Variants in DTNA observed in about 807,000 individuals in gnomAD.
DTNA encodes the protein dystrobrevin alpha.
Under a neutral mutation model 100.7 loss-of-function variants are expected in DTNA, and 43 were observed. The observed-to-expected ratio is 0.43, with a 90% CI of 0.33 to 0.55. The LOEUF (loss-of-function observed/expected upper bound fraction) is 0.55, where lower values mean the gene tolerates loss of function less well. Ranked by LOEUF, DTNA falls within the 20% of genes least tolerant of loss-of-function variation. DTNA has a pLI of 0.04. For missense variants in DTNA, 798 were observed against 953.9 expected (o/e 0.84, Z 2.15); for synonymous variants, 349 against 347.9 (o/e 1.00, Z -0.04).
At chr18:34,727,361 A>G (rs908279305) in intron 1 of DTNA, among the ~76,000 whole-genome samples, 2 of 152,196 alleles carry the variant, frequency 1.3e-5, no homozygotes, top group Non-Finnish European at 2.9e-5. Context: ...ACTTTTAGGA[A>G]TGTCTAAAAT....
Position 34,889,161 on chromosome 18 carries a change from A to G in DTNA, c.*1427A>G. 1.0e-6 allele frequency: 1 copy of G among 985,400 alleles called. No individual in the cohort carries two copies. Among genetic ancestry groups the G allele is most frequent in the Non-Finnish European group, 1.2e-6 (1 of 829,928 alleles). The allele number at this position is 985,400 out of a possible 1,614,324, so 61.0% of individuals were successfully genotyped here. ...TAAAAAAGCCTGCGACCTATTCAAT[A>G]CATTATGCTTAAATTAGCAGTTTCT... On this transcript the variant is annotated 3_prime_UTR_variant, in exon 23 of 23. Transcript: ENST00000444659.
intron 1 of DTNA, among the ~76,000 whole-genome samples, chr18:34,595,262 C>T (rs976551628): frequency 6.6e-6 from 1 of 152,160 alleles, no homozygotes; most frequent in African/African-American, 2.4e-5. Context: ...CACTCAGGTA[C>T]ACACAGTAAC....
chr18:34,522,597 GAT>G (rs1306998154), intron 1 of DTNA, among the ~76,000 whole-genome samples: 2 of 152,150 alleles, frequency 1.3e-5, no homozygotes, highest in African/African-American at 4.8e-5. Flanking sequence ...TATGTTAACT[GAT>G]GCCTGATATA....
chr18:34,769,724 G>GTTTTTTT (rs1264439291), intron 3 of DTNA, among the ~76,000 whole-genome samples: 1 of 41,416 alleles, frequency 2.4e-5, no homozygotes, highest in African/African-American at 5.1e-5. Context: ...GCCCTCTGGG[G>GTTTTTTT]CTTTTTTTTT....
chr18:34,554,299 A>T (rs1242966376), intron 1 of DTNA, among the ~76,000 whole-genome samples: 2 of 141,978 alleles, frequency 1.4e-5, no homozygotes, highest in Admixed American at 6.8e-5. Context: ...TTTTCTAGAT[A>T]TACAATCATG....
At chr18:34,837,166 G>A (rs946312289) in intron 11 of DTNA, among the ~76,000 whole-genome samples, 20 of 152,190 alleles carry the variant, frequency 1.3e-4, no homozygotes, top group African/African-American at 4.6e-4. Context: ...CATGAAGAAG[G>A]AGAGGGACAA....
intron 1 of DTNA, among the ~76,000 whole-genome samples, chr18:34,501,454 A>G (rs946304758): frequency 2.0e-5 from 3 of 152,216 alleles, no homozygotes; most frequent in African/African-American, 4.8e-5. Context: ...TGGTATTAGT[A>G]TCAGGATAAT....
chr18:34,826,903 G>A (rs998504632), intron 9 of DTNA, among the ~76,000 whole-genome samples: 2 of 151,822 alleles, frequency 1.3e-5, no homozygotes, highest in Non-Finnish European at 2.9e-5. Context: ...ACTCCATGCA[G>A]TTGGTGTGTA....
intron 1 of DTNA, among the ~76,000 whole-genome samples, chr18:34,494,875 C>T (rs1001057106): frequency 1.3e-5 from 2 of 151,676 alleles, no homozygotes; most frequent in Non-Finnish European, 2.9e-5. Context: ...TTACTGATTT[C>T]TTTAAAAAAT....
chr18:34,875,540 G>A, intron 18 of DTNA, 142 bp downstream of exon 18: 1 of 1,257,892 alleles, frequency 7.9e-7, no homozygotes. Flanking sequence ...TGGCCTGCCA[G>A]CCATTTTGGG....
At chr18:34,572,578 C>T (rs1314613556) in intron 1 of DTNA, among the ~76,000 whole-genome samples, 1 of 152,094 alleles carries the variant, frequency 6.6e-6, no homozygotes, top group Non-Finnish European at 1.5e-5. Flanking sequence ...TTCTAGCACC[C>T]CGTACTCTTA....
At chr18:34,853,523 G>T (rs1284649940) in intron 15 of DTNA, among the ~76,000 whole-genome samples, 1 of 152,130 alleles carries the variant, frequency 6.6e-6, no homozygotes, top group Admixed American at 6.5e-5. Context: ...TTGAGACCTG[G>T]CTGCCATCAT....
Position 34,530,536 on chromosome 18 carries a change from G to A in DTNA, c.-2+37022G>A, listed in dbSNP as rs911998752. Among the ~76,000 whole-genome samples, 9 of 151,806 alleles carry A rather than the reference G, an allele frequency of 5.9e-5. No individual in the cohort carries two copies. The East Asian group carries it at 7.8e-4, about 13-fold the overall frequency. On this transcript the variant is annotated intron_variant, in intron 1 of 19. Transcript: ENST00000283365. Reference sequence around the variant, plus strand: ...TATCTCCATCCCCACCCAAACCCTCGTTTCTCCTTTCTATCATATTATACA... The same window carrying A: ...TATCTCCATCCCCACCCAAACCCTCATTTCTCCTTTCTATCATATTATACA...
At chr18:34,784,880 G>C (rs934791879) in intron 3 of DTNA, among the ~76,000 whole-genome samples, 1 of 151,452 alleles carries the variant, frequency 6.6e-6, no homozygotes, top group African/African-American at 2.4e-5. Context: ...TTCTCCATAT[G>C]TTACAGCCTG....
chr18:34,532,862 G>C (rs2043289046), intron 1 of DTNA, among the ~76,000 whole-genome samples: 2 of 151,940 alleles, frequency 1.3e-5, no homozygotes, highest in African/African-American at 4.8e-5. Flanking sequence ...CCTGGTGACT[G>C]TATATAGGGT....
intron 1 of DTNA, among the ~76,000 whole-genome samples, chr18:34,619,200 G>GACTGGGCACAGAATAAGAC (rs2055959163): frequency 6.6e-6 from 1 of 152,160 alleles, no homozygotes; most frequent in African/African-American, 2.4e-5. Flanking sequence ...GTTGTAATGA[G>GACTGGGCACAGAATAAGAC]TGGTACAGAA....
intron 1 of DTNA, among the ~76,000 whole-genome samples, chr18:34,591,541 T>G (rs2146919950): frequency 6.6e-6 from 1 of 152,330 alleles, no homozygotes; most frequent in African/African-American, 2.4e-5. Flanking sequence ...CCCTTCTTAG[T>G]TCATTTGTGT....
At chr18:34,821,524 G>C in intron 9 of DTNA, 1 of 456,408 alleles carries the variant, frequency 2.2e-6, no homozygotes, top group South Asian at 1.5e-5. Context: ...AGTCCTTCCA[G>C]CCATCCCTGC....
At chr18:34,826,475 A>G (rs1394251672) in intron 9 of DTNA, among the ~76,000 whole-genome samples, 1 of 152,168 alleles carries the variant, frequency 6.6e-6, no homozygotes, top group East Asian at 1.9e-4. Flanking sequence ...ACATTGGGAT[A>G]TGCAAGTCTA....
Sources: gnomAD v4.1 joint callset for allele counts (sites outside exome capture counted in the v4.1 genomes callset) on GRCh38, gnomAD v4.1.1 for gene constraint, MANE v1.5 for transcripts, NCBI Gene and HGNC (gene_info 2026-07-23, HGNC 2026-07-21) for gene names.